Variants in COG5 observed in about 807,000 individuals in gnomAD.
COG5 encodes the protein conserved oligomeric Golgi complex subunit 5.
A neutral mutation model predicts 110.4 loss-of-function variants in COG5; 86 were observed. The ratio of observed to expected loss-of-function variants is 0.78; its 90% CI spans 0.65 to 0.93. The LOEUF (loss-of-function observed/expected upper bound fraction) is 0.93, where lower values mean the gene tolerates loss of function less well. COG5 is among the 40% of genes least tolerant of loss of function. The probability of loss-of-function intolerance (pLI) is 0.00; values close to 1 mark genes in which losing one functional copy is unlikely to be tolerated. For synonymous variants in COG5, 360 were observed against 334.6 expected (o/e 1.08, Z -0.83); for missense variants, 1,077 against 987.0 (o/e 1.09, Z -1.22).
intron 5 of COG5, among the ~76,000 whole-genome samples, chr7:107,537,928 T>A (rs1801710807): frequency 6.6e-6 from 1 of 152,122 alleles, no homozygotes; most frequent in Non-Finnish European, 1.5e-5. Context: ...TAGAAATTAT[T>A]TAGGCAGACA....
chr7:107,484,970 G>A (rs1797571593), intron 6 of COG5, among the ~76,000 whole-genome samples: 1 of 152,094 alleles, frequency 6.6e-6, no homozygotes, highest in South Asian at 2.1e-4. Context: ...AACAAAAATG[G>A]CCTCTAGGTT....
chr7:107,536,523 G>A (rs963233360), intron 5 of COG5, among the ~76,000 whole-genome samples: 3 of 152,070 alleles, frequency 2.0e-5, no homozygotes, highest in Non-Finnish European at 4.4e-5. Context: ...TTTCTACAAA[G>A]AGAATAAAAT....
At chr7:107,214,444 G>C (rs1027995269) in intron 19 of COG5, among the ~76,000 whole-genome samples, 12 of 152,194 alleles carry the variant, frequency 7.9e-5, no homozygotes, top group Non-Finnish European at 1.3e-4. Flanking sequence ...CAGTAGGCCT[G>C]CCTATTGAAA....
chr7:107,403,457 T>C (rs1791586931), intron 7 of COG5, among the ~76,000 whole-genome samples: 1 of 151,824 alleles, frequency 6.6e-6, no homozygotes, highest in East Asian at 1.9e-4. Context: ...GTTATATAGG[T>C]ATACACGTGC....
chr7:107,415,351 T>G (rs1330197549), intron 6 of COG5, among the ~76,000 whole-genome samples: 4 of 152,084 alleles, frequency 2.6e-5, no homozygotes, highest in Non-Finnish European at 5.9e-5. Flanking sequence ...TGAAAAAGAC[T>G]GAAAAGTTTG....
intron 8 of COG5, among the ~76,000 whole-genome samples, chr7:107,364,648 A>G (rs1813435360): frequency 6.6e-6 from 1 of 152,216 alleles, no homozygotes; most frequent in Admixed American, 6.5e-5. Context: ...ATCATTGGTT[A>G]GTCATTCTAT....
At chr7:107,322,748 A>G (rs1345348948) in intron 11 of COG5, among the ~76,000 whole-genome samples, 1 of 152,198 alleles carries the variant, frequency 6.6e-6, no homozygotes, top group Non-Finnish European at 1.5e-5. Context: ...GAAGGAACAC[A>G]TATGTCCACA....
chr7:107,229,190 C>T (rs1216312115), intron 19 of COG5, among the ~76,000 whole-genome samples: 20 of 152,112 alleles, frequency 1.3e-4, no homozygotes. Flanking sequence ...GTGGCTCACG[C>T]CTGTAATCTC....
In COG5 at chr7:107,280,678, T is replaced by C. The variant is rs1454770405; in HGVS notation, c.1575+622A>G. On this transcript the variant is annotated intron_variant, in intron 14 of 21. Transcript: ENST00000297135. The stretch of plus-strand genomic sequence containing the variant: ...AGCATACATATATACTAGTGAAATA[T>C]GTGTGCTTAACTTTCAAACATTAAT... Among the ~76,000 whole-genome samples, 4 of 152,164 alleles carry C rather than the reference T, an allele frequency of 2.6e-5. No homozygotes were observed. The South Asian group carries it at 6.2e-4, about 24-fold the overall frequency.
chr7:107,553,217 C>T (rs557007956), intron 3 of COG5, among the ~76,000 whole-genome samples: 48 of 152,254 alleles, frequency 3.2e-4, no homozygotes, highest in African/African-American at 1.1e-3. Context: ...CAAACCTACA[C>T]ATATACCCCC....
chr7:107,331,393 G>A (rs983877408), intron 10 of COG5, among the ~76,000 whole-genome samples: 26 of 152,014 alleles, frequency 1.7e-4, no homozygotes, highest in Admixed American at 5.2e-4. Flanking sequence ...GCGTGAACCC[G>A]GGAGGCGGAG....
At position 107,519,601 on chromosome 7, in the gene COG5, G is replaced by C. The variant is rs536238750; in HGVS notation, c.538+7636C>G. Among the ~76,000 whole-genome samples the C allele has an allele frequency of 4.6e-5, 7 of 152,132 alleles. No homozygotes were observed. The East Asian group carries it at 1.4e-3, about 29-fold the overall frequency. ...ACTCCCAAGACTAAGCCAGGAAGAA[G>C]TCAAATCTCTGAATAGACTAATAAC... On this transcript the variant is annotated intron_variant, in intron 6 of 21. Coordinates refer to ENST00000297135, the MANE Select transcript of COG5 (RefSeq NM_006348.5).
At chr7:107,331,120 T>A (rs1810199976) in intron 10 of COG5, among the ~76,000 whole-genome samples, 1 of 152,194 alleles carries the variant, frequency 6.6e-6, no homozygotes. Context: ...TCATCATAGA[T>A]ATAATAGTGA....
At chr7:107,366,910 T>G (rs1813673203) in intron 8 of COG5, among the ~76,000 whole-genome samples, 1 of 152,142 alleles carries the variant, frequency 6.6e-6, no homozygotes, top group Non-Finnish European at 1.5e-5. Context: ...AGGTGCATTC[T>G]GACCAACATT....
intron 11 of COG5, among the ~76,000 whole-genome samples, chr7:107,310,085 G>A (rs1808090128): frequency 6.6e-6 from 1 of 152,108 alleles, no homozygotes; most frequent in African/African-American, 2.4e-5. Context: ...AGTATGTAAA[G>A]ATATTCCTCA....
At chr7:107,347,373 A>T (rs1051452584) in intron 10 of COG5, among the ~76,000 whole-genome samples, 1 of 152,224 alleles carries the variant, frequency 6.6e-6, no homozygotes, top group Non-Finnish European at 1.5e-5. Flanking sequence ...TCAGTATAAA[A>T]GTTAGACACA....
intron 12 of COG5, among the ~76,000 whole-genome samples, chr7:107,291,464 G>C (rs1806167019): frequency 6.6e-6 from 1 of 152,150 alleles, no homozygotes. Context: ...CTTTTTATCT[G>C]TTTAGTGATT....
intron 7 of COG5, among the ~76,000 whole-genome samples, chr7:107,393,143 C>T (rs553322392): frequency 1.1e-4 from 16 of 152,226 alleles, no homozygotes; most frequent in Non-Finnish European, 2.4e-4. Context: ...AGTCCTCTTT[C>T]TCACTGCATA....
At chr7:107,365,753 C>G (rs1813557670) in intron 8 of COG5, among the ~76,000 whole-genome samples, 1 of 151,536 alleles carries the variant, frequency 6.6e-6, no homozygotes, top group Non-Finnish European at 1.5e-5. Context: ...TAGGATTCAA[C>G]ACTGAAATGG....
Sources: gnomAD v4.1 joint callset for allele counts (sites outside exome capture counted in the v4.1 genomes callset) on GRCh38, gnomAD v4.1.1 for gene constraint, MANE v1.5 for transcripts, NCBI Gene and HGNC (gene_info 2026-07-23, HGNC 2026-07-21) for gene names.